The following DOHH variants were observed in gnomAD, a reference collection of about 807,000 sequenced individuals.
DOHH encodes deoxyhypusine hydroxylase, also known as HEAT-like (PBS lyase) repeat containing 1.
DOHH carries 16 observed loss-of-function variants against 19.9 expected under a neutral mutation model. The ratio of observed to expected loss-of-function variants is 0.80; its 90% confidence interval spans 0.54 to 1.22. The LOEUF (loss-of-function observed/expected upper bound fraction) is 1.22, where lower values mean the gene tolerates loss of function less well. Among genes scored for constraint, DOHH ranks in the 50% most tolerant of loss-of-function variants. DOHH has a pLI of 0.00. For synonymous variants in DOHH, 233 were observed against 217.0 expected, an observed-to-expected ratio of 1.07 and a Z score of -0.65; for missense variants, 460 against 460.6, an observed-to-expected ratio of 1.00 and a Z score of 0.01.
chr19:3,500,089 G>C (rs535052449), intron 1 of DOHH, among the ~76,000 whole-genome samples: 1 of 133,826 alleles, frequency 7.5e-6, no homozygotes, highest in Non-Finnish European at 1.5e-5. Flanking sequence ...CAGCCAAGGG[G>C]AGAAGGGACC....
chr19:3,492,331 C>G lies in DOHH; in HGVS notation c.520G>C (p.Glu174Gln), dbSNP rs570290335. The change falls in exon 4 of 5, where the codon GAG becomes CAG. Residue 174 changes from glutamate to glutamine, a missense_variant. Physicochemically the swap from Glu to Gln is conservative, Grantham distance 29 (BLOSUM62 2). Coordinates refer to ENST00000427575, the MANE Select transcript of DOHH (RefSeq NM_001145165.2). The part of the protein sequence containing the change: ...ALLDESRPLF[E>Q]RYRAMFALRN... ...AGGGCGAACATGGCGCGGTATCGCT[C>G]GAAGAGCGGCCGGGACTCATCCAGC... The G allele has an allele frequency of 1.3e-6, 2 of 1,544,178 alleles. No homozygotes were observed. Among genetic ancestry groups the G allele is most frequent in the South Asian group, 2.4e-5 (2 of 84,360 alleles).
At chr19:3,497,709 C>T (rs978678522) in intron 1 of DOHH, among the ~76,000 whole-genome samples, 4 of 152,158 alleles carry the variant, frequency 2.6e-5, no homozygotes, top group African/African-American at 7.2e-5. Context: ...ACTGTAGCCT[C>T]GAACTCCCAG....
intron 2 of DOHH, among the ~76,000 whole-genome samples, chr19:3,494,976 C>T (rs2082897892): frequency 7.4e-6 from 1 of 135,784 alleles, no homozygotes; most frequent in South Asian, 2.6e-4. Flanking sequence ...CTACAACAGT[C>T]CATTTTTTTT....
chr19:3,491,426 C>A lies in DOHH; in HGVS notation c.*66G>T, dbSNP rs1426147390. 1.4e-6 allele frequency: 2 copies of A among 1,470,354 alleles called. No homozygotes were observed. Among genetic ancestry groups the A allele is most frequent in the Middle Eastern group, 2.2e-4 (1 of 4,542 alleles). 91.1% of individuals were successfully genotyped at this position (1,470,354 alleles called of 1,614,324 possible). ...GATTTACACACACCCGGTTTAGACG[C>A]CAAAGCTCTGCGGGGGAGGAGCGGC... is the stretch of plus-strand genomic sequence containing the variant. On this transcript the variant is annotated 3_prime_UTR_variant, in exon 5 of 5. Transcript: ENST00000427575. This position sits in a 1 kb window ranked among gnomAD's most constrained non-coding sequence, Gnocchi z 5.6.
At chr19:3,497,619 C>A (rs1356249140) in intron 1 of DOHH, among the ~76,000 whole-genome samples, 1 of 152,078 alleles carries the variant, frequency 6.6e-6, no homozygotes, top group Admixed American at 6.6e-5. Flanking sequence ...TGAAGGTAAC[C>A]AAGTATGTTT....
At chr19:3,499,799 A>C (rs1397844317) in intron 1 of DOHH, among the ~76,000 whole-genome samples, 1 of 152,134 alleles carries the variant, frequency 6.6e-6, no homozygotes, top group African/African-American at 2.4e-5. Context: ...TAAAAACGAC[A>C]ACCGTGACAA....
In DOHH at chr19:3,496,895, G is replaced by GA. The variant is rs1368116689; in HGVS notation, c.-72-10dup. On this transcript the variant is annotated splice_polypyrimidine_tract_variant and intron_variant, in intron 1 of 4. Coordinates refer to ENST00000427575, the MANE Select transcript of DOHH (RefSeq NM_001145165.2). This position sits in a 1 kb window ranked among gnomAD's most constrained non-coding sequence, Gnocchi z 4.8. ...CGCGGGGATGTAAGAACCTGTGGCA[G>GA]AAAAATGAGAGCCCAGGTTAGAAGC... The GA allele has an allele frequency of 7.2e-7, 1 of 1,386,580 alleles. No homozygotes were observed. 85.9% of individuals were successfully genotyped at this position (1,386,580 alleles called of 1,614,324 possible). A position where few individuals can be genotyped will look rare whatever the true frequency, so the allele number is the denominator to read the frequency against.
In DOHH at chr19:3,491,565, A is replaced by G. The variant is rs2082869742; in HGVS notation, c.836T>C (p.Met279Thr). The G allele has an allele frequency of 6.5e-7, 1 of 1,535,840 alleles. No individual in the cohort carries two copies. Among genetic ancestry groups the G allele is most frequent in the East Asian group, 2.4e-5 (1 of 40,912 alleles). ...VRESCEVALDMYEHETGRAFQ... is the reference protein window; with the variant it reads ...VRESCEVALDTYEHETGRAFQ... ...GGCCCGCCCGGTCTCGTGCTCATAC[A>G]TGTCCAGAGCCACCTCGCAGCTCTC... Residue 279 changes from methionine to threonine, a missense_variant, in exon 5 of 5, where the codon ATG becomes ACG. Transcript: ENST00000427575. The surrounding 1 kb of genome is among the most constrained non-coding windows in gnomAD (Gnocchi z 5.6).
Position 3,491,596 on chromosome 19 carries a change from C to A in DOHH, c.805G>T (p.Val269Leu). ...QAHADDPERV[V>L]RESCEVALDM... is the part of the protein sequence containing the mutation. ...AGAGCCACCTCGCAGCTCTCACGCA[C>A]CACGCGCTCTGGGTCGTCCGCGTGA... Residue 269 changes from valine to leucine, a missense_variant, in exon 5 of 5, where the codon GTG (valine) becomes TTG (leucine). Val to Leu is a conservative substitution (Grantham distance 32). Coordinates refer to ENST00000427575, the MANE Select transcript of DOHH (RefSeq NM_001145165.2). The surrounding 1 kb of genome is among the most constrained non-coding windows in gnomAD (Gnocchi z 5.6). 1 of 1,535,986 alleles carries A rather than the reference C, an allele frequency of 6.5e-7. No homozygotes were observed. Among genetic ancestry groups the A allele is most frequent in the Non-Finnish European group, 8.7e-7 (1 of 1,146,604 alleles).
intron 4 of DOHH, 150 bp downstream of exon 4, chr19:3,492,111 AC>A (rs2082874157): frequency 1.3e-6 from 1 of 782,624 alleles, no homozygotes; most frequent in Admixed American, 3.7e-5. Flanking sequence ...GGACGCTTGC[AC>A]GGGTTCTTAA....
intron 3 of DOHH, 143 bp from the exon 4 acceptor site, chr19:3,492,642 CAGGGG>C: frequency 8.9e-6 from 6 of 671,790 alleles, no homozygotes; most frequent in Non-Finnish European, 1.3e-5. Context: ...AGTAAGCCAG[CAGGGG>C]TGGCTGACTT....
At chr19:3,492,541 G>T in intron 3 of DOHH, 42 bp from the exon 4 acceptor site, 2 of 1,335,498 alleles carry the variant, frequency 1.5e-6, no homozygotes, top group Admixed American at 3.9e-5. Context: ...GCCCTGGGGG[G>T]TCGCAGGGGC....
Position 3,496,674 on chromosome 19 carries a change from G to A in DOHH, c.141C>T (p.Phe47=), listed in dbSNP as rs371544653. The A allele has an allele frequency of 4.0e-5, 65 of 1,613,812 alleles. No individual in the cohort carries two copies. Among genetic ancestry groups the A allele is most frequent in the East Asian group, 2.0e-4 (9 of 44,888 alleles). The change falls in exon 2 of 5, where the codon TTC becomes TTT. Residue 47 remains phenylalanine, a synonymous_variant. Transcript: ENST00000427575. This position sits in a 1 kb window ranked among gnomAD's most constrained non-coding sequence, Gnocchi z 4.8. ...GCTTGAGCAGGGCGGAATCGTCATC[G>A]AAGGCCTGGCTGATCCATGCAATGG... is the stretch of plus-strand genomic sequence containing the variant. ...PGAIAWISQA[F]DDDSALLKHE... is the part of the protein sequence containing the mutation.
intron 1 of DOHH, among the ~76,000 whole-genome samples, chr19:3,499,410 A>C (rs1440080945): frequency 6.6e-6 from 1 of 152,230 alleles, no homozygotes; most frequent in African/African-American, 2.4e-5. Flanking sequence ...GCTGGGACTG[A>C]GTCTATCTTG....
chr19:3,497,095 T>C (rs965773089), intron 1 of DOHH, among the ~76,000 whole-genome samples: 15 of 152,210 alleles, frequency 9.9e-5, no homozygotes, highest in Admixed American at 7.9e-4. Context: ...CTCTCGCCTA[T>C]AGGCCTATCA....
chr19:3,493,028 A>C (rs1372060736), intron 3 of DOHH, among the ~76,000 whole-genome samples: 1 of 152,206 alleles, frequency 6.6e-6, no homozygotes, highest in Admixed American at 6.5e-5. Context: ...GTGGCAGGGG[A>C]GAAAGGAACA....
chr19:3,499,538 C>T (rs1231434943), intron 1 of DOHH, among the ~76,000 whole-genome samples: 2 of 152,012 alleles, frequency 1.3e-5, no homozygotes. Flanking sequence ...TTTGGGAGGC[C>T]GAGGTGGACA....
rs936211291 is a variant in DOHH at position 3,494,220 on chromosome 19, C to T, written c.275-116G>A. ...GGGCTCTGCCACTGTGGGGAAGCCC[C>T]GCCTCTGTCCACGGCTGATTGGAGC... is the stretch of plus-strand genomic sequence containing the variant. On this transcript the variant is annotated intron_variant, in intron 2 of 4. Transcript: ENST00000427575. 9 of 842,584 alleles carry T rather than the reference C, an allele frequency of 1.1e-5. 1 individual carries two copies. In the Admixed American group the frequency reaches 1.5e-4, roughly 14 times the overall value. 52.2% of individuals were successfully genotyped at this position (842,584 alleles called of 1,614,324 possible).
rs544450703 is a variant in DOHH at position 3,496,481 on chromosome 19, G to A, written c.274+60C>T. The A allele has an allele frequency of 6.4e-6, 10 of 1,569,426 alleles. No individual in the cohort carries two copies. The African/African-American group carries it at 1.1e-4, about 17-fold the overall frequency. On this transcript the variant is annotated intron_variant, in intron 2 of 4. Coordinates refer to ENST00000427575, the MANE Select transcript of DOHH (RefSeq NM_001145165.2). The surrounding 1 kb of genome is among the most constrained non-coding windows in gnomAD (Gnocchi z 4.8). ...CACCTGAGTGAGGAAGGGGACACGT[G>A]GGGTCATGAAGAAGTGAGGCAGGAG... is the stretch of plus-strand genomic sequence containing the variant.
Sources: allele counts gnomAD v4.1 joint callset (sites outside exome capture counted in the v4.1 genomes callset), GRCh38; gene constraint gnomAD v4.1.1; non-coding constraint Gnocchi (gnomAD v3.1); transcripts MANE v1.5; gene names NCBI Gene and HGNC (gene_info 2026-07-23, HGNC 2026-07-21).